DNAH7: variants seen among roughly 807,000 people sequenced by gnomAD.
The protein encoded by DNAH7 is axonemal beta dynein heavy chain 7.
In DNAH7, 397 loss-of-function variants were observed where a neutral mutation model predicts 444.6. The observed-to-expected ratio is 0.89, with a 90% confidence interval of 0.82 to 0.97. The LOEUF is 0.97. Among genes scored for constraint, DNAH7 ranks in the 50% least tolerant of loss-of-function variants. DNAH7 has a pLI of 0.00. For missense variants in DNAH7, 4,902 were observed against 4,800.8 expected (o/e 1.02, Z -0.62); for synonymous variants, 1,636 against 1,624.4 (o/e 1.01, Z -0.17).
At chr2:195,898,819 TTA>T (rs1330508919) in intron 28 of DNAH7, among the ~76,000 whole-genome samples, 7 of 152,338 alleles carry the variant, frequency 4.6e-5, no homozygotes, top group African/African-American at 1.7e-4. Context: ...TACCCAAAGT[TTA>T]CTACAAATCT....
intron 61 of DNAH7, among the ~76,000 whole-genome samples, chr2:195,766,944 G>A (rs1246079798): frequency 1.3e-5 from 2 of 152,020 alleles, no homozygotes; most frequent in Non-Finnish European, 2.9e-5. Flanking sequence ...GTTGATATTA[G>A]TTTCTGGTTA....
At chr2:195,801,796 A>C (rs1696473026) in intron 54 of DNAH7, among the ~76,000 whole-genome samples, 1 of 152,236 alleles carries the variant, frequency 6.6e-6, no homozygotes, top group African/African-American at 2.4e-5. Flanking sequence ...GCCTTCTGTC[A>C]GTCCTAGTGC....
Position 195,798,645 on chromosome 2 carries a change from G to T in DNAH7, c.10353+651C>A, listed in dbSNP as rs1311873249. ...TGCAAGCTCAGCCTCCTGGGTTCAC[G>T]CCATTCTCCTGCCTCAGCCTCCCGA... On this transcript the variant is annotated intron_variant, in intron 55 of 64. Transcript: ENST00000312428. Among the ~76,000 whole-genome samples, 3 of 146,020 alleles carry T rather than the reference G, an allele frequency of 2.1e-5. No homozygotes were observed. In the East Asian group the frequency reaches 6.2e-4, roughly 30 times the overall value.
At chr2:195,844,936 AAAGG>A (rs1698897863) in intron 47 of DNAH7, 62 bp downstream of exon 47, 3 of 1,446,888 alleles carry the variant, frequency 2.1e-6, no homozygotes, top group Non-Finnish European at 2.8e-6. Context: ...TAAAATTGTT[AAAGG>A]AACACAGATA....
intron 41 of DNAH7, among the ~76,000 whole-genome samples, chr2:195,862,790 C>A (rs999975542): frequency 6.6e-6 from 1 of 152,176 alleles, no homozygotes; most frequent in African/African-American, 2.4e-5. Flanking sequence ...AATCCCAGCA[C>A]TTTGGGAGGC....
chr2:195,742,453 G>A (rs1213760145), intron 63 of DNAH7, among the ~76,000 whole-genome samples: 1 of 152,168 alleles, frequency 6.6e-6, no homozygotes, highest in African/African-American at 2.4e-5. Flanking sequence ...GTAAACAAAA[G>A]AGTTCATTTC....
Position 195,888,364 on chromosome 2 carries a change from A to C in DNAH7, c.5300T>G (p.Val1767Gly). Residue 1767 changes from valine (V) to glycine (G), a missense_variant, in exon 33 of 65, where the codon GTG becomes GGG. Physicochemically the swap from Val to Gly is moderately radical, Grantham distance 109. Transcript: ENST00000312428. ...ACTGACTGACGCAGGTAACAGATTC[A>C]CCCAGGACAACATCAGTGGTCTCCA... ...LGWRPLMLSW[V>G]NLLPASVSVI... 6.2e-7 allele frequency: 1 copy of C among 1,609,212 alleles called. No individual in the cohort carries two copies. The highest frequency in any genetic ancestry group is 8.5e-7 in the Non-Finnish European group (1 of 1,178,548).
Position 195,787,153 on chromosome 2 carries a change from G to A in DNAH7, c.10735C>T (p.Leu3579Phe), listed in dbSNP as rs377171494. 49 of 1,599,500 alleles carry A rather than the reference G, an allele frequency of 3.1e-5. No individual in the cohort carries two copies. The African/African-American group carries it at 4.2e-4, about 14-fold the overall frequency. ...CKKPEEFKKL[L>F]YGLCFFHALV... ...GCATGAAAGAAACACAGGCCATAAA[G>A]CAATTTCTTGAATTCCTCCTGTAAT... The change falls in exon 58 of 65, where the codon CTT (leucine) becomes TTT (phenylalanine). Residue 3579 changes from leucine (L) to phenylalanine (F), a missense_variant. Physicochemically the swap from Leu to Phe is conservative, Grantham distance 22. Transcript: ENST00000312428.
intron 16 of DNAH7, 86 bp from the exon 17 acceptor site, chr2:195,970,180 A>C: frequency 1.6e-6 from 2 of 1,259,438 alleles, no homozygotes; most frequent in Non-Finnish European, 2.1e-6. Flanking sequence ...AGTTATCAGA[A>C]TTATTATTAT....
At chr2:195,909,491 G>A (rs1241904636) in intron 25 of DNAH7, among the ~76,000 whole-genome samples, 1 of 152,022 alleles carries the variant, frequency 6.6e-6, no homozygotes, top group Non-Finnish European at 1.5e-5. Context: ...TTTAAAAAAA[G>A]TAATACACTG....
intron 28 of DNAH7, among the ~76,000 whole-genome samples, chr2:195,899,824 T>C (rs185186650): frequency 1.2e-3 from 181 of 152,314 alleles, no homozygotes; most frequent in African/African-American, 4.1e-3. Context: ...CTTTCATATA[T>C]TACAGTTATA....
At position 195,796,608 on chromosome 2, in the gene DNAH7, A is replaced by G. The variant is rs1229920926; in HGVS notation, c.10483T>C (p.Ser3495Pro). The G allele has an allele frequency of 1.2e-6, 2 of 1,614,030 alleles. No individual in the cohort carries two copies. Among genetic ancestry groups the G allele is most frequent in the African/African-American group, 1.3e-5 (1 of 74,940 alleles). ...ACTTTCTCAAGGGTTGGCATCCAAG[A>G]GGTGGCAAGGTGACAATTCTGAAGA... ...VVLQNCHLAT[S>P]WMPTLEKVCE... Residue 3495 changes from serine (S) to proline (P), a missense_variant, in exon 56 of 65, where the codon TCT becomes CCT. Transcript: ENST00000312428.
intron 48 of DNAH7, among the ~76,000 whole-genome samples, chr2:195,832,416 G>A (rs2124948828): frequency 6.6e-6 from 1 of 151,512 alleles, no homozygotes; most frequent in Non-Finnish European, 1.5e-5. Flanking sequence ...TAATGTTTTG[G>A]GTTCTGTTTT....
intron 1 of DNAH7, among the ~76,000 whole-genome samples, chr2:196,066,499 C>G (rs1698437592): frequency 6.6e-6 from 1 of 152,176 alleles, no homozygotes; most frequent in Admixed American, 6.5e-5. Context: ...CTTCTCTGCC[C>G]ACAATCTGTA....
intron 21 of DNAH7, among the ~76,000 whole-genome samples, 192 bp from the exon 22 acceptor site, chr2:195,926,758 C>T (rs1688361836): frequency 6.6e-6 from 1 of 152,006 alleles, no homozygotes; most frequent in African/African-American, 2.4e-5. Flanking sequence ...ATAAGCAAGG[C>T]AAACATATTA....
At chr2:195,824,552 C>T (rs2124916827) in intron 48 of DNAH7, 107 bp from the exon 49 acceptor site, 1 of 915,378 alleles carries the variant, frequency 1.1e-6, no homozygotes, top group East Asian at 2.8e-5. Flanking sequence ...AATTCTGTTC[C>T]TAGATACCTA....
chr2:195,745,542 A>G (rs1288686112), intron 63 of DNAH7, among the ~76,000 whole-genome samples: 15 of 152,318 alleles, frequency 9.8e-5, no homozygotes, highest in Middle Eastern at 6.8e-3. Flanking sequence ...CAACTCCAAG[A>G]CACATAATTG....
chr2:195,871,389 C>T (rs1700680197), intron 40 of DNAH7, among the ~76,000 whole-genome samples: 2 of 152,168 alleles, frequency 1.3e-5, no homozygotes, highest in African/African-American at 4.8e-5. Flanking sequence ...TCCTCAAACT[C>T]CTAACTTCAA....
rs532737522 is a variant in DNAH7, at chr2:195,954,586, C to T, written c.3078+2675G>A. Among the ~76,000 whole-genome samples, 215 of 152,300 alleles carry T rather than the reference C, an allele frequency of 1.4e-3. 1 individual carries two copies. The highest frequency in any genetic ancestry group is 5.1e-3 in the African/African-American group (211 of 41,564). ...TCAAATGGTATTTCTAGTTCTAGAT[C>T]CTTGAGGAATCACCACACTGTCTTC... On this transcript the variant is annotated intron_variant, in intron 19 of 64. Coordinates refer to ENST00000312428, the MANE Select transcript of DNAH7 (RefSeq NM_018897.3).
Sources: gnomAD v4.1 joint callset for allele counts (sites outside exome capture counted in the v4.1 genomes callset) on GRCh38, gnomAD v4.1.1 for gene constraint, MANE v1.5 for transcripts, NCBI Gene and HGNC (gene_info 2026-07-23, HGNC 2026-07-21) for gene names.